MTRF1: variants seen among roughly 807,000 people sequenced by gnomAD.
MTRF1 encodes peptide chain release factor 1, mitochondrial.
MTRF1 carries 51 observed loss-of-function variants against 62.9 expected under a neutral mutation model. The observed-to-expected ratio is 0.81, with a 90% CI of 0.65 to 1.02. MTRF1 has a LOEUF of 1.02. Among genes scored for constraint, MTRF1 ranks in the 50% least tolerant of loss-of-function variants. The pLI is 0.00. For missense variants in MTRF1, 446 were observed against 530.0 expected, an observed-to-expected ratio of 0.84 and a Z score of 1.56; for synonymous variants, 158 against 181.9, an observed-to-expected ratio of 0.87 and a Z score of 1.06.
At chr13:41,260,241 A>G (rs2040284345) in intron 2 of MTRF1, among the ~76,000 whole-genome samples, 1 of 152,082 alleles carries the variant, frequency 6.6e-6, no homozygotes, top group Non-Finnish European at 1.5e-5. Context: ...GCCCTGGCAC[A>G]ATAGTCCTAG....
the MTRF1 span, among the ~76,000 whole-genome samples, chr13:41,309,065 T>C: frequency 6.6e-6 from 1 of 152,230 alleles, no homozygotes; most frequent in East Asian, 1.9e-4. Flanking sequence ...CTCATTCTTT[T>C]TTGTGGCTGT....
the MTRF1 span, among the ~76,000 whole-genome samples, chr13:41,269,132 T>G: frequency 6.6e-6 from 1 of 151,270 alleles, no homozygotes; most frequent in Non-Finnish European, 1.5e-5. Context: ...CAAAACCTCT[T>G]TATTTTTATA....
chr13:41,268,503 G>A (rs922318026), upstream of MTRF1, among the ~76,000 whole-genome samples: 4 of 151,824 alleles, frequency 2.6e-5, no homozygotes, highest in East Asian at 1.9e-4. Flanking sequence ...CTGAGATCAC[G>A]TCACTGCACT....
intron 7 of MTRF1, among the ~76,000 whole-genome samples, chr13:41,230,726 C>CTTT (rs571291052): frequency 2.1e-5 from 3 of 144,508 alleles, no homozygotes; most frequent in African/African-American, 5.1e-5. Flanking sequence ...GATGGTTTCC[C>CTTT]TTTTTTTTTT....
intron 9 of MTRF1, among the ~76,000 whole-genome samples, chr13:41,218,281 ATTTTTTTTTTTTT>A (rs199717534): frequency 6.8e-5 from 8 of 117,890 alleles, no homozygotes; most frequent in Middle Eastern, 4.8e-3. Context: ...CACCCAGCTA[ATTTTTTTTTTTTT>A]TTTTTTTTTT....
chr13:41,305,656 C>T, the MTRF1 span, among the ~76,000 whole-genome samples: 1 of 152,188 alleles, frequency 6.6e-6, no homozygotes, highest in African/African-American at 2.4e-5. Context: ...AGGGCATTTG[C>T]CTGTGGTTCC....
intron 8 of MTRF1, 146 bp downstream of exon 8, chr13:41,226,286 G>T: frequency 1.2e-6 from 1 of 815,416 alleles, no homozygotes; most frequent in Non-Finnish European, 1.9e-6. Context: ...CAGTTCATTT[G>T]TACTGAGTTA....
At chr13:41,276,230 G>T in the MTRF1 span, among the ~76,000 whole-genome samples, 2 of 151,786 alleles carry the variant, frequency 1.3e-5, no homozygotes, top group Non-Finnish European at 2.9e-5. Flanking sequence ...GAGTGCAATG[G>T]CATTGATCTC....
upstream of MTRF1, among the ~76,000 whole-genome samples, chr13:41,268,101 T>C (rs761940326): frequency 6.6e-6 from 1 of 151,554 alleles, no homozygotes; most frequent in African/African-American, 2.4e-5. Flanking sequence ...AGAGATCCTA[T>C]CTATAAGAGC....
At chr13:41,288,353 T>C in the MTRF1 span, 1 of 236,336 alleles carries the variant, frequency 4.2e-6, no homozygotes, top group Non-Finnish European at 8.5e-6. Flanking sequence ...GCAGTGGTGG[T>C]TAGGCACTAA....
intron 8 of MTRF1, among the ~76,000 whole-genome samples, chr13:41,224,058 T>C (rs1232503286): frequency 2.0e-5 from 3 of 152,216 alleles, no homozygotes; most frequent in African/African-American, 7.2e-5. Context: ...GTGGCCAATC[T>C]TCCCAGTGTT....
intron 1 of MTRF1, 65 bp downstream of exon 1, chr13:41,263,420 G>A: frequency 1.9e-6 from 1 of 532,152 alleles, no homozygotes; most frequent in Non-Finnish European, 3.2e-6. Context: ...CTCAGTATAT[G>A]GAGTGATTCC....
intron 8 of MTRF1, 58 bp downstream of exon 8, chr13:41,226,374 T>C: frequency 6.5e-7 from 1 of 1,537,616 alleles, no homozygotes; most frequent in African/African-American, 1.4e-5. Context: ...CTGCATTCTC[T>C]ACAGAAAATG....
intron 6 of MTRF1, among the ~76,000 whole-genome samples, chr13:41,234,210 C>T (rs1199194142): frequency 6.6e-6 from 1 of 152,176 alleles, no homozygotes; most frequent in Non-Finnish European, 1.5e-5. Flanking sequence ...CAGGGTCTCC[C>T]TCTGTTGCCT....
At chr13:41,268,290 T>A (rs1426766117), upstream of MTRF1, among the ~76,000 whole-genome samples, 1 of 152,216 alleles carries the variant, frequency 6.6e-6, no homozygotes, top group Non-Finnish European at 1.5e-5. Context: ...TAAGCCAAAT[T>A]ATGTCATTTT....
chr13:41,221,249 C>T (rs1001588721), intron 9 of MTRF1, among the ~76,000 whole-genome samples: 1 of 151,646 alleles, frequency 6.6e-6, no homozygotes, highest in East Asian at 1.9e-4. Context: ...TTCCACCTCC[C>T]GGGTTCATGC....
intron 6 of MTRF1, among the ~76,000 whole-genome samples, chr13:41,239,092 G>T (rs140985591): frequency 4.1e-4 from 62 of 151,682 alleles, no homozygotes; most frequent in African/African-American, 1.5e-3. Flanking sequence ...AACTTGACAG[G>T]ATCCTGGATA....
intron 6 of MTRF1, chr13:41,235,310 C>A (rs1448789436): frequency 6.6e-6 from 1 of 152,104 alleles, no homozygotes; most frequent in Non-Finnish European, 1.5e-5. Context: ...AAATACTGAA[C>A]CATTACTGCC....
intron 2 of MTRF1, among the ~76,000 whole-genome samples, chr13:41,256,328 ATTTT>A (rs34937829): frequency 7.0e-6 from 1 of 142,334 alleles, no homozygotes; most frequent in Non-Finnish European, 1.5e-5. Flanking sequence ...CTGTTGTAGA[ATTTT>A]TTTTTTTTTT....
Sources: allele counts gnomAD v4.1 joint callset (sites outside exome capture counted in the v4.1 genomes callset), GRCh38; gene constraint gnomAD v4.1.1; transcripts MANE v1.5; gene names NCBI Gene and HGNC (gene_info 2026-07-23, HGNC 2026-07-21).